Variants in UBXN2A observed in about 807,000 individuals in gnomAD.
UBXN2A encodes the protein UBX domain-containing protein 2A.
Under a neutral mutation model 28.4 loss-of-function variants are expected in UBXN2A, and 28 were observed. The observed-to-expected ratio is 0.99, with a 90% CI of 0.73 to 1.35. UBXN2A has a LOEUF of 1.35. Among genes scored for constraint, UBXN2A ranks in the 40% most tolerant of loss-of-function variants. The pLI is 0.00. For missense variants in UBXN2A, 253 were observed against 297.9 expected (o/e 0.85, Z 1.11); for synonymous variants, 97 against 103.6 (o/e 0.94, Z 0.39).
Position 23,983,108 on chromosome 2 carries a change from G to A in UBXN2A, c.425+75G>A, listed in dbSNP as rs557049461. 22 of 1,385,402 alleles carry A rather than the reference G, an allele frequency of 1.6e-5. No homozygotes were observed. In the East Asian group the frequency reaches 4.9e-4, roughly 31 times the overall value. The allele number at this position is 1,385,402 out of a possible 1,614,324, so 85.8% of individuals were successfully genotyped here. The stretch of plus-strand genomic sequence containing the variant: ...TTCTGTCTATCAGTATTTTACCCAT[G>A]TAGACCACATGAATGGAGCTTATCA... On this transcript the variant is annotated intron_variant, in intron 5 of 6. Coordinates refer to ENST00000309033, the MANE Select transcript of UBXN2A (RefSeq NM_181713.4).
chr2:23,961,539 C>CTT (rs71395167), intron 2 of UBXN2A, among the ~76,000 whole-genome samples: 16,871 of 51,424 alleles, frequency 0.33, 3,199 homozygotes, highest in East Asian at 0.49. Flanking sequence ...AGAAAACTGC[C>CTT]TTTTTTTTTT....
chr2:23,930,263 C>A lies in UBXN2A; in HGVS notation c.-138+2648C>A, dbSNP rs150328991. On this transcript the variant is annotated intron_variant, in intron 1 of 7. Transcript: ENST00000404924. The stretch of plus-strand genomic sequence containing the variant: ...AACCAGCCTGGGCAACATAGTGAGT[C>A]CCTGTCTCTAGAAAATATATAAGTA... Among the ~76,000 whole-genome samples, 525 of 152,174 alleles carry A rather than the reference C, an allele frequency of 3.4e-3. 4 individuals are homozygous for A. The highest frequency in any genetic ancestry group is 0.012 in the African/African-American group (510 of 41,510).
rs1708717728 is a variant in UBXN2A, at chr2:24,001,086, G to A, written c.*1219G>A. On this transcript the variant is annotated 3_prime_UTR_variant, in exon 7 of 7. Transcript: ENST00000309033. ...AGCTCACCACAACCTCCACCTCCCG[G>A]GTTCAAGAGATTCTCCTGCTCAGCC... The A allele has an allele frequency of 6.6e-6, 1 of 152,188 alleles. No homozygotes were observed. The highest frequency in any genetic ancestry group is 1.5e-5 in the Non-Finnish European group (1 of 68,064). The allele number at this position is 152,188 out of a possible 1,614,324, so 9.4% of individuals were successfully genotyped here.
Position 23,977,005 on chromosome 2 carries a change from A to G in UBXN2A, c.217A>G (p.Thr73Ala). 1 of 1,612,630 alleles carries G rather than the reference A, an allele frequency of 6.2e-7. No individual in the cohort carries two copies. The highest frequency in any genetic ancestry group is 1.1e-5 in the South Asian group (1 of 90,996). The change falls in exon 4 of 7, where the codon ACC becomes GCC. Residue 73 changes from threonine to alanine, a missense_variant. Coordinates refer to ENST00000309033, the MANE Select transcript of UBXN2A (RefSeq NM_181713.4). Reference sequence around the variant, plus strand: ...TATAAAATTATGGAAAAACGGATTCACCGTCAACGACGATTTCAGAAGTTA... The same window carrying G: ...TATAAAATTATGGAAAAACGGATTCGCCGTCAACGACGATTTCAGAAGTTA... ...VNIKLWKNGFTVNDDFRSYSD... is the reference protein window; with the variant it reads ...VNIKLWKNGFAVNDDFRSYSD...
Position 23,983,046 on chromosome 2 carries a change from A to C in UBXN2A, c.425+13A>C. The C allele has an allele frequency of 6.3e-7, 1 of 1,587,716 alleles. No homozygotes were observed. The highest frequency in any genetic ancestry group is 8.6e-7 in the Non-Finnish European group (1 of 1,167,772). ...ACAGACTAGGAAGGTAAATATGCCT[A>C]TTGTCTTGTTTTGCATAGATCAAGG... is the stretch of plus-strand genomic sequence containing the variant. On this transcript the variant is annotated intron_variant, in intron 5 of 6. Transcript: ENST00000309033.
chr2:23,994,903 C>T (rs1708473066), intron 6 of UBXN2A, among the ~76,000 whole-genome samples: 1 of 152,162 alleles, frequency 6.6e-6, no homozygotes, highest in African/African-American at 2.4e-5. Context: ...GCTTTTAGAG[C>T]ATGGACTTGA....
chr2:23,977,470 C>G (rs1707719086), intron 4 of UBXN2A: 1 of 158,276 alleles, frequency 6.3e-6, no homozygotes, highest in Admixed American at 6.3e-5. Context: ...TGGAGAAACC[C>G]CATCTCTACT....
At chr2:23,950,753 G>A (rs542613032) in intron 1 of UBXN2A, among the ~76,000 whole-genome samples, 1 of 151,716 alleles carries the variant, frequency 6.6e-6, no homozygotes, top group Admixed American at 6.6e-5. Flanking sequence ...GCCCAGGCTG[G>A]AGTGAAGTGG....
rs760228827 is a variant in UBXN2A, at chr2:23,976,922, ACT to A, written c.181-46_181-45del. On this transcript the variant is annotated intron_variant, in intron 3 of 6. Coordinates refer to ENST00000309033, the MANE Select transcript of UBXN2A (RefSeq NM_181713.4). ...AAATTTTCAAAGGACTTTCAATCCT[ACT>A]ACATTTTATTAACATGACGCATTTT... The A allele has an allele frequency of 7.4e-6, 11 of 1,496,484 alleles. No homozygotes were observed. The African/African-American group carries it at 9.7e-5, about 13-fold the overall frequency. 92.7% of individuals were successfully genotyped at this position (1,496,484 alleles called of 1,614,324 possible). A position where few individuals can be genotyped will look rare whatever the true frequency, so the allele number is the denominator to read the frequency against.
Position 24,000,971 on chromosome 2 carries a change from A to G in UBXN2A, c.*1104A>G, listed in dbSNP as rs967596784. On this transcript the variant is annotated 3_prime_UTR_variant, in exon 7 of 7. Transcript: ENST00000309033. The stretch of plus-strand genomic sequence containing the variant: ...ATTACTAGTATTTTTTAAATGCATC[A>G]TATAAAGTATGGTTTTCTGTTTCTT... 10 of 152,154 alleles carry G rather than the reference A, an allele frequency of 6.6e-5. 1 individual carries two copies. Among genetic ancestry groups the G allele is most frequent in the African/African-American group, 2.4e-4 (10 of 41,448 alleles). The allele number at this position is 152,154 out of a possible 1,614,324, so 9.4% of individuals were successfully genotyped here.
At chr2:23,995,831 A>G (rs767258972) in intron 6 of UBXN2A, among the ~76,000 whole-genome samples, 3 of 152,220 alleles carry the variant, frequency 2.0e-5, no homozygotes, top group Admixed American at 6.5e-5. Context: ...TTTTAGGAGC[A>G]CTACTTCAAT....
intron 2 of UBXN2A, among the ~76,000 whole-genome samples, chr2:23,967,880 T>G (rs1312209365): frequency 2.0e-4 from 30 of 152,096 alleles, no homozygotes; most frequent in Admixed American, 1.2e-3. Flanking sequence ...TATACCTAAG[T>G]TAAAGCACTG....
intron 1 of UBXN2A, chr2:23,944,217 A>G (rs897134154): frequency 1.3e-6 from 2 of 1,573,050 alleles, no homozygotes; most frequent in South Asian, 1.1e-5. Context: ...CTTCCCTCTC[A>G]TGTATCATAC....
upstream of UBXN2A, among the ~76,000 whole-genome samples, chr2:23,936,712 C>A (rs1361886191): frequency 1.3e-5 from 2 of 151,960 alleles, no homozygotes; most frequent in African/African-American, 4.8e-5. Context: ...CAAAGAAGCC[C>A]ACTCTCATCA....
chr2:23,995,441 C>T (rs1252209743), intron 6 of UBXN2A, among the ~76,000 whole-genome samples: 1 of 152,040 alleles, frequency 6.6e-6, no homozygotes, highest in Non-Finnish European at 1.5e-5. Flanking sequence ...TGCATTTACC[C>T]AGCACTTTGG....
chr2:23,998,281 T>G (rs546135188), intron 6 of UBXN2A, among the ~76,000 whole-genome samples: 236 of 152,342 alleles, frequency 1.5e-3, no homozygotes, highest in African/African-American at 4.4e-3. Flanking sequence ...ATAGGTACTT[T>G]TCTAGGCACC....
In UBXN2A at chr2:24,000,097, TA is replaced by T. The variant is rs1708685765; in HGVS notation, c.*231del. 1.3e-5 allele frequency: 6 copies of T among 476,990 alleles called. No individual in the cohort carries two copies. The East Asian group carries it at 2.0e-4, about 16-fold the overall frequency. The allele number at this position is 476,990 out of a possible 1,614,324, so 29.5% of individuals were successfully genotyped here. A position where few individuals can be genotyped will look rare whatever the true frequency, so the allele number is the denominator to read the frequency against. On this transcript the variant is annotated 3_prime_UTR_variant, in exon 7 of 7. Coordinates refer to ENST00000309033, the MANE Select transcript of UBXN2A (RefSeq NM_181713.4). ...AAAAGACTACCCAGAAAAATAGACT[TA>T]TTTTCAAATACCAGTTATCAAGATA...
chr2:23,974,477 C>T (rs1027258447), intron 3 of UBXN2A, among the ~76,000 whole-genome samples: 1 of 151,270 alleles, frequency 6.6e-6, no homozygotes, highest in African/African-American at 2.4e-5. Flanking sequence ...TCCTGAGTAG[C>T]TGGGACTACA....
At chr2:23,986,508 G>A (rs1708137274) in intron 6 of UBXN2A, among the ~76,000 whole-genome samples, 1 of 151,520 alleles carries the variant, frequency 6.6e-6, no homozygotes, top group Admixed American at 6.6e-5. Context: ...TGAAAATACA[G>A]AAAAACATTA....
Sources: gnomAD v4.1 joint callset for allele counts (sites outside exome capture counted in the v4.1 genomes callset) on GRCh38, gnomAD v4.1.1 for gene constraint, MANE v1.5 for transcripts, NCBI Gene and HGNC (gene_info 2026-07-23, HGNC 2026-07-21) for gene names.